ZFHX2: variants seen among roughly 807,000 people sequenced by gnomAD.
The protein encoded by ZFHX2 is zinc finger homeobox protein 2.
A neutral mutation model predicts 164.8 loss-of-function variants in ZFHX2; 75 were observed. The observed-to-expected ratio is 0.46, with a 90% CI of 0.38 to 0.55. The LOEUF (loss-of-function observed/expected upper bound fraction) is 0.55. Among genes scored for constraint, ZFHX2 ranks in the 20% least tolerant of loss-of-function variants. ZFHX2 has a pLI of 0.00. For synonymous variants in ZFHX2, 1,217 were observed against 1,351.4 expected (o/e 0.90, Z 2.18); for missense variants, 2,933 against 3,308.0 (o/e 0.89, Z 2.78).
chr14:23,530,514 G>A, intron 4 of ZFHX2: 1 of 551,638 alleles, frequency 1.8e-6, no homozygotes, highest in Non-Finnish European at 3.4e-6. Context: ...CAGGAAATGG[G>A]AAGCCCCAGA....
In ZFHX2 at chr14:23,532,992, C is replaced by G. The variant is rs61744308; in HGVS notation, c.2134G>C (p.Asp712His). 4 of 1,536,112 alleles carry G rather than the reference C, an allele frequency of 2.6e-6. No homozygotes were observed. In the South Asian group the frequency reaches 4.8e-5, roughly 18 times the overall value. ...CGGAACACCTTCAGGGACAGGCTGT[C>G]GTCTGGGGGTGGTGAGGTGGGCAGG... ...DSLPTSPPPD[D>H]SLSLKVFRCL... Residue 712 changes from aspartate (D) to histidine (H), a missense_variant, in exon 3 of 10, where the codon GAC (aspartate) becomes CAC (histidine). Coordinates refer to ENST00000419474, the MANE Select transcript of ZFHX2 (RefSeq NM_033400.3).
intron 6 of ZFHX2, 99 bp from the exon 7 acceptor site, chr14:23,527,903 T>C: frequency 9.1e-6 from 2 of 218,756 alleles, no homozygotes; most frequent in Non-Finnish European, 1.5e-5. Flanking sequence ...CCCCACTCCT[T>C]TTTTTTTTTT....
chr14:23,529,913 G>T, intron 5 of ZFHX2, 145 bp from the exon 6 acceptor site: 1 of 984,470 alleles, frequency 1.0e-6, no homozygotes, highest in South Asian at 1.5e-5. Context: ...GGCTGACTCC[G>T]GGTCAGTAGG....
In ZFHX2 at chr14:23,533,521, T is replaced by C; in HGVS notation, c.1805A>G (p.Gln602Arg). ...AGGTGGCAGGCCCAGCGGCAGCCCC[T>C]GGTGCAGCATTAGGACATTCTGCAT... ...KHMQNVLMLH[Q>R]GLPLGLPPGL... The change falls in exon 2 of 10, where the codon CAG becomes CGG. Residue 602 changes from glutamine (Q) to arginine (R), a missense_variant. Transcript: ENST00000419474. This position sits in a 1 kb window ranked among gnomAD's most constrained non-coding sequence, Gnocchi z 4.8. The C allele has an allele frequency of 1.3e-6, 2 of 1,536,108 alleles. No homozygotes were observed. Among genetic ancestry groups the C allele is most frequent in the South Asian group, 2.4e-5 (2 of 84,066 alleles).
chr14:23,538,993 G>A (rs1207667603), intron 1 of ZFHX2, among the ~76,000 whole-genome samples: 1 of 152,128 alleles, frequency 6.6e-6, no homozygotes, highest in Non-Finnish European at 1.5e-5. Flanking sequence ...GGGGATGGGA[G>A]GAGGGAGGCC....
In ZFHX2 at chr14:23,533,958, G is replaced by T. The variant is rs1209309022; in HGVS notation, c.1368C>A (p.Pro456=). 1.6e-5 allele frequency: 24 copies of T among 1,537,770 alleles called. No individual in the cohort carries two copies. Among genetic ancestry groups the T allele is most frequent in the Non-Finnish European group, 1.9e-5 (22 of 1,147,038 alleles). Reference sequence around the variant, plus strand: ...GGTACTTGTAGTGCCAGTTGCACTTGGGACACTTGAGTGTCTTGCAGGAGT... The same window carrying T: ...GGTACTTGTAGTGCCAGTTGCACTTTGGACACTTGAGTGTCTTGCAGGAGT... ...SRNSCKTLKC[P]KCNWHYKYQQ... The change falls in exon 2 of 10, where the codon CCC becomes CCA. Residue 456 remains proline, a synonymous_variant. Transcript: ENST00000419474. This position sits in a 1 kb window ranked among gnomAD's most constrained non-coding sequence, Gnocchi z 4.8.
At chr14:23,548,428 C>T (rs933628426) in intron 1 of ZFHX2, 1 of 152,136 alleles carries the variant, frequency 6.6e-6, no homozygotes, top group Non-Finnish European at 1.5e-5. Context: ...TACAGCACCC[C>T]GGCAAAGCAG....
chr14:23,550,607 G>A (rs1322658838), intron 1 of ZFHX2, among the ~76,000 whole-genome samples: 1 of 152,156 alleles, frequency 6.6e-6, no homozygotes, highest in East Asian at 1.9e-4. Context: ...GGGGCTACAG[G>A]CACAGCGAGG....
intron 1 of ZFHX2, among the ~76,000 whole-genome samples, chr14:23,538,774 G>A (rs1206263215): frequency 6.6e-6 from 1 of 152,066 alleles, no homozygotes; most frequent in East Asian, 1.9e-4. Context: ...GGTTGGGGAC[G>A]GTCAGGGAAG....
At chr14:23,552,481 C>T (rs1262394962), upstream of ZFHX2, among the ~76,000 whole-genome samples, 9 of 151,864 alleles carry the variant, frequency 5.9e-5, no homozygotes, top group African/African-American at 9.7e-5. Context: ...TTAGTAGAGA[C>T]GGGGTTTCAC....
Position 23,533,245 on chromosome 14 carries a change from C to T in ZFHX2, c.2041+40G>A. 7.7e-6 allele frequency: 11 copies of T among 1,433,982 alleles called. No individual in the cohort carries two copies. The highest frequency in any genetic ancestry group is 1.0e-5 in the Non-Finnish European group (11 of 1,098,676). 88.8% of individuals were successfully genotyped at this position (1,433,982 alleles called of 1,614,324 possible). A position where few individuals can be genotyped will look rare whatever the true frequency, so the allele number is the denominator to read the frequency against. On this transcript the variant is annotated intron_variant, in intron 2 of 9. Coordinates refer to ENST00000419474, the MANE Select transcript of ZFHX2 (RefSeq NM_033400.3). This position sits in a 1 kb window ranked among gnomAD's most constrained non-coding sequence, Gnocchi z 4.8. ...GAGAAAGCACGGAATAGAGTTTGGC[C>T]CTGGGGAGGAGAGAAGAGGGAAGAA...
upstream of ZFHX2, among the ~76,000 whole-genome samples, chr14:23,552,516 C>T (rs1882052274): frequency 6.6e-6 from 1 of 152,130 alleles, no homozygotes; most frequent in Non-Finnish European, 1.5e-5. Context: ...TGGTCTCGAA[C>T]TCCTGACCTT....
Position 23,523,176 on chromosome 14 carries a change from C to A in ZFHX2, c.6739+27G>T, listed in dbSNP as rs893609647. 7.1e-7 allele frequency: 1 copy of A among 1,411,980 alleles called. No homozygotes were observed. The highest frequency in any genetic ancestry group is 2.6e-5 in the East Asian group (1 of 38,404). The allele number at this position is 1,411,980 out of a possible 1,614,324, so 87.5% of individuals were successfully genotyped here. A position where few individuals can be genotyped will look rare whatever the true frequency, so the allele number is the denominator to read the frequency against. ...ATTAGAGGGGGATGTTCTCTGAAGT[C>A]CAGCTCCTCCCAGCCTCCCTACTCA... On this transcript the variant is annotated intron_variant, in intron 9 of 9. Transcript: ENST00000419474. The surrounding 1 kb of genome is among the most constrained non-coding windows in gnomAD (Gnocchi z 4.1).
In ZFHX2 at chr14:23,534,306, A is replaced by T. The variant is rs1322298406; in HGVS notation, c.1020T>A (p.Val340=). Residue 340 remains valine (V), a synonymous_variant, in exon 2 of 10, where the codon GTT becomes GTA. Transcript: ENST00000419474. The surrounding 1 kb of genome is among the most constrained non-coding windows in gnomAD (Gnocchi z 4.5). ...VQALILLDEE[V]MALSPPSPPT... ...GTGGAGAGGGTGGGCTGAGGGCCATAACTTCTTCATCCAGGAGGATAAGGG... is the reference window on the plus strand; with the variant it reads ...GTGGAGAGGGTGGGCTGAGGGCCATTACTTCTTCATCCAGGAGGATAAGGG... 1.3e-6 allele frequency: 2 copies of T among 1,535,396 alleles called. No homozygotes were observed. Among genetic ancestry groups the T allele is most frequent in the African/African-American group, 2.7e-5 (2 of 72,980 alleles).
At chr14:23,539,052 G>A (rs1880505280) in intron 1 of ZFHX2, among the ~76,000 whole-genome samples, 1 of 152,170 alleles carries the variant, frequency 6.6e-6, no homozygotes, top group Non-Finnish European at 1.5e-5. Flanking sequence ...CATCCCCTGA[G>A]ATGAATCTTG....
Position 23,531,666 on chromosome 14 carries a change from C to A in ZFHX2, c.2615G>T (p.Cys872Phe). Reference sequence around the variant, plus strand: ...GGGTGTCTCCCACGCACACAACAGGCAGTGGTATAGCCCCAGCTCTGCCCC... The same window carrying A: ...GGGTGTCTCCCACGCACACAACAGGAAGTGGTATAGCCCCAGCTCTGCCCC... ...EAGAELGLYHCLLCAWETPSR... is the reference protein window; with the variant it reads ...EAGAELGLYHFLLCAWETPSR... The change falls in exon 4 of 10, where the codon TGC (cysteine) becomes TTC (phenylalanine). Residue 872 changes from cysteine (C) to phenylalanine (F), a missense_variant. Physicochemically the swap from Cys to Phe is radical, Grantham distance 205. Coordinates refer to ENST00000419474, the MANE Select transcript of ZFHX2 (RefSeq NM_033400.3). 1 of 1,494,770 alleles carries A rather than the reference C, an allele frequency of 6.7e-7. No homozygotes were observed. The highest frequency in any genetic ancestry group is 8.9e-7 in the Non-Finnish European group (1 of 1,122,516). The allele number at this position is 1,494,770 out of a possible 1,614,324, so 92.6% of individuals were successfully genotyped here. A position where few individuals can be genotyped will look rare whatever the true frequency, so the allele number is the denominator to read the frequency against.
rs1185765985 is a variant in ZFHX2 at position 23,525,224 on chromosome 14, C to A, written c.4718G>T (p.Gly1573Val). 1 of 1,536,112 alleles carries A rather than the reference C, an allele frequency of 6.5e-7. No homozygotes were observed. Among genetic ancestry groups the A allele is most frequent in the Non-Finnish European group, 8.7e-7 (1 of 1,146,910 alleles). The change falls in exon 9 of 10, where the codon GGA becomes GTA. Residue 1573 changes from glycine to valine, a missense_variant. Transcript: ENST00000419474. This position sits in a 1 kb window ranked among gnomAD's most constrained non-coding sequence, Gnocchi z 5.9. ...TTCTTCCTCTTCTATGGGCCAGTGT[C>A]CCCCTGCTCGACTTCGCTCTTCAGG... ...RAPEERSRAGGHWPIEEEESS... is the reference protein window; with the variant it reads ...RAPEERSRAGVHWPIEEEESS...
upstream of ZFHX2, chr14:23,555,838 G>C (rs1882321266): frequency 6.6e-6 from 1 of 152,412 alleles, no homozygotes; most frequent in African/African-American, 2.4e-5. Flanking sequence ...CGGGACTGGG[G>C]CTTGAGCTCC....
Position 23,533,115 on chromosome 14 carries a change from GA to G in ZFHX2, c.2042-32del, listed in dbSNP as rs1879766926. 6.7e-7 allele frequency: 1 copy of G among 1,485,492 alleles called. No homozygotes were observed. The highest frequency in any genetic ancestry group is 8.9e-7 in the Non-Finnish European group (1 of 1,119,530). 92.0% of individuals were successfully genotyped at this position (1,485,492 alleles called of 1,614,324 possible). On this transcript the variant is annotated intron_variant, in intron 2 of 9. Coordinates refer to ENST00000419474, the MANE Select transcript of ZFHX2 (RefSeq NM_033400.3). This position sits in a 1 kb window ranked among gnomAD's most constrained non-coding sequence, Gnocchi z 4.8. Reference sequence around the variant, plus strand: ...GGACAGAGACAGATTAGTGGCCCAAGAAAGAAATGGGGCACGGTTGGTTCTC... The same window carrying G: ...GGACAGAGACAGATTAGTGGCCCAAGAAGAAATGGGGCACGGTTGGTTCTC...
Sources: gnomAD v4.1 joint callset for allele counts (sites outside exome capture counted in the v4.1 genomes callset) on GRCh38, gnomAD v4.1.1 for gene constraint, Gnocchi (gnomAD v3.1) non-coding constraint, MANE v1.5 for transcripts, NCBI Gene and HGNC (gene_info 2026-07-23, HGNC 2026-07-21) for gene names.